R3HDM1: variants seen among roughly 807,000 people sequenced by gnomAD.
R3HDM1 encodes R3H domain-containing protein 1.
A neutral mutation model predicts 141.1 loss-of-function variants in R3HDM1; 46 were observed. The ratio of observed to expected loss-of-function variants is 0.33; its 90% CI spans 0.26 to 0.42. R3HDM1 has a LOEUF of 0.42. Among genes scored for constraint, R3HDM1 ranks in the 10% least tolerant of loss-of-function variants. R3HDM1 has a pLI of 1.00. For missense variants in R3HDM1, 1,184 were observed against 1,368.3 expected (o/e 0.87, Z 2.12); for synonymous variants, 435 against 472.9 (o/e 0.92, Z 1.04).
intron 19 of R3HDM1, among the ~76,000 whole-genome samples, chr2:135,673,925 G>A (rs1422606779): frequency 6.6e-6 from 1 of 152,042 alleles, no homozygotes; most frequent in Non-Finnish European, 1.5e-5. Flanking sequence ...GAGTGCAGTG[G>A]CACTATCTTG....
intron 3 of R3HDM1, among the ~76,000 whole-genome samples, chr2:135,609,124 G>A (rs1222246245): frequency 1.3e-5 from 2 of 152,118 alleles, no homozygotes; most frequent in African/African-American, 4.8e-5. Flanking sequence ...CCAGAGAGAG[G>A]CCAACAGACA....
chr2:135,636,057 A>G (rs763825656), intron 10 of R3HDM1, 31 bp from the exon 11 acceptor site: 1 of 1,610,912 alleles, frequency 6.2e-7, no homozygotes, highest in Admixed American at 1.7e-5. Context: ...CCAGTAGTTC[A>G]TTTGCCTAAA....
chr2:135,669,271 C>A lies in R3HDM1; in HGVS notation c.2153-6061C>A, dbSNP rs868065402. On this transcript the variant is annotated intron_variant, in intron 19 of 26. Transcript: ENST00000683871. The stretch of plus-strand genomic sequence containing the variant: ...GAGGACATTGTGGGCTAATCATATG[C>A]TTATTTACACCTGCTCTTTTTTAAA... 7 of 985,246 alleles carry A rather than the reference C, an allele frequency of 7.1e-6. No homozygotes were observed. The Middle Eastern group carries it at 1.5e-3, about 218-fold the overall frequency. 61.0% of individuals were successfully genotyped at this position (985,246 alleles called of 1,614,324 possible).
intron 18 of R3HDM1, among the ~76,000 whole-genome samples, chr2:135,654,901 TGTTTGTC>T: frequency 6.6e-6 from 1 of 150,458 alleles, no homozygotes; most frequent in East Asian, 2.0e-4. Context: ...TGTGTGTGTG[TGTTTGTC>T]TTTTTGTTAT....
At chr2:135,593,587 A>G (rs955601087) in intron 1 of R3HDM1, among the ~76,000 whole-genome samples, 2 of 152,072 alleles carry the variant, frequency 1.3e-5, no homozygotes, top group East Asian at 1.9e-4. Context: ...TCTCTGGCCC[A>G]CTGCCCACTA....
chr2:135,678,841 A>G (rs1488811774), intron 20 of R3HDM1, among the ~76,000 whole-genome samples: 1 of 143,306 alleles, frequency 7.0e-6, no homozygotes, highest in Non-Finnish European at 1.5e-5. Flanking sequence ...ACTCACTGCA[A>G]CCTCCACCTT....
At chr2:135,629,664 C>T (rs2062437667) in intron 7 of R3HDM1, among the ~76,000 whole-genome samples, 1 of 152,114 alleles carries the variant, frequency 6.6e-6, no homozygotes, top group Non-Finnish European at 1.5e-5. Flanking sequence ...CTGAGAAAGA[C>T]AGGAGCTTGG....
intron 18 of R3HDM1, among the ~76,000 whole-genome samples, chr2:135,659,392 C>A (rs2066395638): frequency 6.6e-6 from 1 of 152,020 alleles, no homozygotes; most frequent in South Asian, 2.1e-4. Flanking sequence ...GCCCCTGCCC[C>A]TGGCCCTGAA....
intron 21 of R3HDM1, among the ~76,000 whole-genome samples, chr2:135,696,866 A>T (rs1263449158): frequency 1.3e-5 from 2 of 152,222 alleles, no homozygotes; most frequent in African/African-American, 4.8e-5. Flanking sequence ...ACAAATTATT[A>T]AAAACAAGAG....
chr2:135,621,622 T>C lies in R3HDM1; in HGVS notation c.418+14T>C, dbSNP rs1351670058. On this transcript the variant is annotated intron_variant, in intron 6 of 26. Coordinates refer to ENST00000683871, the MANE Select transcript of R3HDM1 (RefSeq NM_001378107.1). ...TGTTATCAAGAGGTTTGCAGTTCTT[T>C]TGTTTTTTTTTAAAAAAAAATTTTG... is the stretch of plus-strand genomic sequence containing the variant. 1.3e-6 allele frequency: 2 copies of C among 1,523,778 alleles called. No individual in the cohort carries two copies. The highest frequency in any genetic ancestry group is 8.7e-7 in the Non-Finnish European group (1 of 1,146,800). 94.4% of individuals were successfully genotyped at this position (1,523,778 alleles called of 1,614,324 possible).
Position 135,654,902 on chromosome 2 carries a change from G to GTGTGTGTGTA in R3HDM1, c.2028+2871_2028+2872insGTGTGTGTAT, listed in dbSNP as rs57409498. On this transcript the variant is annotated intron_variant, in intron 18 of 26. Coordinates refer to ENST00000683871, the MANE Select transcript of R3HDM1 (RefSeq NM_001378107.1). The stretch of plus-strand genomic sequence containing the variant: ...TGTGTGTGTGTGTGTGTGTGTGTGT[G>GTGTGTGTGTA]TTTGTCTTTTTGTTATTGAGCTAAG... 3.4e-3 allele frequency among the ~76,000 whole-genome samples: 496 copies of GTGTGTGTGTA among 146,238 alleles called. 6 individuals are homozygous for GTGTGTGTGTA. The highest frequency in any genetic ancestry group is 0.023 in the South Asian group (103 of 4,566).
In R3HDM1 at chr2:135,594,994, A is replaced by G. The variant is rs148197165; in HGVS notation, c.-249-7506A>G. 1.5e-3 allele frequency among the ~76,000 whole-genome samples: 213 copies of G among 146,428 alleles called. 1 individual carries two copies. Among genetic ancestry groups the G allele is most frequent in the African/African-American group, 5.3e-3 (205 of 38,742 alleles). ...GATTCTACACCCCCCCCCCTTTTCAATGAAGGCTTGTGGGCAACTTCATTA... is the reference window on the plus strand; with the variant it reads ...GATTCTACACCCCCCCCCCTTTTCAGTGAAGGCTTGTGGGCAACTTCATTA... On this transcript the variant is annotated intron_variant, in intron 1 of 26. Transcript: ENST00000683871.
chr2:135,609,661 A>G (rs2060359855), intron 3 of R3HDM1, among the ~76,000 whole-genome samples: 1 of 152,072 alleles, frequency 6.6e-6, no homozygotes, highest in South Asian at 2.1e-4. Flanking sequence ...GATGGTGGGG[A>G]GTATTTGCTT....
Position 135,540,037 on chromosome 2 carries a change from T to C in R3HDM1, c.-250+8404T>C, listed in dbSNP as rs372436504. Among the ~76,000 whole-genome samples the C allele has an allele frequency of 5.3e-5, 8 of 152,352 alleles. No homozygotes were observed. The East Asian group carries it at 1.3e-3, about 26-fold the overall frequency. ...AAAATTGTAGTGAATCCTCTCCAAT[T>C]TTCCTACTAATTTACAACTAAGTTT... On this transcript the variant is annotated intron_variant, in intron 1 of 26. Transcript: ENST00000683871.
chr2:135,702,870 G>A (rs980124967), intron 21 of R3HDM1, among the ~76,000 whole-genome samples: 1 of 152,094 alleles, frequency 6.6e-6, no homozygotes, highest in African/African-American at 2.4e-5. Context: ...TTAAGAGGTG[G>A]CAAAAGAGAG....
chr2:135,630,298 A>AAAC (rs1553581763), intron 7 of R3HDM1, among the ~76,000 whole-genome samples: 1 of 145,566 alleles, frequency 6.9e-6, no homozygotes, highest in Non-Finnish European at 1.5e-5. Flanking sequence ...AAAAAAAAAA[A>AAAC]AAAAAAAAAA....
chr2:135,651,557 TAG>T lies in R3HDM1; in HGVS notation c.1726-170_1726-169del, dbSNP rs985875071. ...ATTTATAATTTATAATATTCAACAA[TAG>T]AGTTGTCATTTTTTTGAAGCTTTAC... is the stretch of plus-strand genomic sequence containing the variant. On this transcript the variant is annotated intron_variant, in intron 17 of 26. Coordinates refer to ENST00000683871, the MANE Select transcript of R3HDM1 (RefSeq NM_001378107.1). 1.8e-4 allele frequency: 168 copies of T among 936,246 alleles called. No homozygotes were observed. The African/African-American group carries it at 2.6e-3, about 14-fold the overall frequency. The allele number at this position is 936,246 out of a possible 1,614,324, so 58.0% of individuals were successfully genotyped here. A position where few individuals can be genotyped will look rare whatever the true frequency, so the allele number is the denominator to read the frequency against.
chr2:135,672,047 T>C (rs1056729214), intron 19 of R3HDM1, among the ~76,000 whole-genome samples: 7 of 152,090 alleles, frequency 4.6e-5, no homozygotes, highest in Non-Finnish European at 8.8e-5. Flanking sequence ...CTGTAGAGTT[T>C]TATGAGATGT....
chr2:135,665,179 T>C (rs2067307944), intron 19 of R3HDM1, among the ~76,000 whole-genome samples: 1 of 152,246 alleles, frequency 6.6e-6, no homozygotes, highest in South Asian at 2.1e-4. Flanking sequence ...TTTAAACCTT[T>C]ATCATAAAAT....
Sources: gnomAD v4.1 joint callset for allele counts (sites outside exome capture counted in the v4.1 genomes callset) on GRCh38, gnomAD v4.1.1 for gene constraint, MANE v1.5 for transcripts, NCBI Gene and HGNC (gene_info 2026-07-23, HGNC 2026-07-21) for gene names.